The following FRMPD4 variants were observed in gnomAD, a reference collection of about 807,000 sequenced individuals.
The protein encoded by FRMPD4 is FERM and PDZ domain containing 4.
In FRMPD4, 22 loss-of-function variants were observed where a neutral mutation model predicts 94.1. That is an observed-to-expected ratio of 0.23 (90% CI 0.17 to 0.33). The LOEUF is 0.33. Ranked by LOEUF, FRMPD4 falls within the 10% of genes least tolerant of loss-of-function variation. The probability of loss-of-function intolerance (pLI) is 1.00; values close to 1 mark genes in which losing one functional copy is unlikely to be tolerated. For synonymous variants in FRMPD4, 631 were observed against 548.6 expected (o/e 1.15, Z -2.10); for missense variants, 1,111 against 1,339.9 (o/e 0.83, Z 2.67).
intron 3 of FRMPD4, among the ~76,000 whole-genome samples, chrX:11,908,762 A>G (rs151152271): frequency 1.9e-3 from 213 of 111,891 alleles, no homozygotes; most frequent in African/African-American, 6.7e-3. Flanking sequence ...TCAGCCTTTC[A>G]TCTATTTTTA....
chrX:12,164,562 C>T (rs1227970078), intron 1 of FRMPD4, among the ~76,000 whole-genome samples: 1 of 112,215 alleles, frequency 8.9e-6, no homozygotes, highest in Non-Finnish European at 1.9e-5. Flanking sequence ...GGTATATACC[C>T]AGTAATGGGG....
chrX:12,093,903 G>GA (rs200973541), intron 3 of FRMPD4, among the ~76,000 whole-genome samples: 3,379 of 100,214 alleles, frequency 0.034, 60 homozygotes, highest in Non-Finnish European at 0.049. Flanking sequence ...CTACTTGCAT[G>GA]AAAAAAAAAA....
chrX:11,976,147 C>T (rs1174166195), intron 3 of FRMPD4, among the ~76,000 whole-genome samples: 3 of 111,548 alleles, frequency 2.7e-5, no homozygotes, highest in African/African-American at 6.5e-5. Flanking sequence ...TCTTTTCTCC[C>T]GTTAATCCTG....
At chrX:12,234,718 T>C (rs1312527615) in intron 1 of FRMPD4, among the ~76,000 whole-genome samples, 1 of 112,137 alleles carries the variant, frequency 8.9e-6, no homozygotes, top group Non-Finnish European at 1.9e-5. Context: ...ATAACACTTT[T>C]AGGAGCAGTG....
At chrX:12,675,254 C>T (rs1215746182) in intron 5 of FRMPD4, among the ~76,000 whole-genome samples, 3 of 110,960 alleles carry the variant, frequency 2.7e-5, no homozygotes, top group African/African-American at 6.6e-5. Flanking sequence ...TGTAGGAGGT[C>T]GATGCATGAT....
intron 3 of FRMPD4, among the ~76,000 whole-genome samples, chrX:12,111,663 A>C (rs1192152562): frequency 1.5e-4 from 17 of 111,885 alleles, no homozygotes; most frequent in South Asian, 3.7e-4. Context: ...ATTTTTGCAA[A>C]CTACTCATCT....
intron 3 of FRMPD4, among the ~76,000 whole-genome samples, chrX:12,031,824 G>A (rs1202873667): frequency 2.7e-5 from 3 of 111,994 alleles, no homozygotes; most frequent in African/African-American, 9.7e-5. Context: ...GAGTCAGAGG[G>A]ACTTCTTAAG....
chrX:11,924,124 T>A (rs1039112912), intron 3 of FRMPD4, among the ~76,000 whole-genome samples: 3 of 110,442 alleles, frequency 2.7e-5, no homozygotes, highest in South Asian at 3.9e-4. Flanking sequence ...AGTACAGGAG[T>A]TTCATAATGC....
intron 1 of FRMPD4, among the ~76,000 whole-genome samples, chrX:11,824,596 T>C (rs1359977864): frequency 8.9e-6 from 1 of 111,892 alleles, no homozygotes; most frequent in Non-Finnish European, 1.9e-5. Context: ...TCATCCTTGG[T>C]TGACAATCAC....
At chrX:12,315,742 C>T (rs897699363) in intron 1 of FRMPD4, among the ~76,000 whole-genome samples, 3 of 112,232 alleles carry the variant, frequency 2.7e-5, no homozygotes, top group Non-Finnish European at 5.6e-5. Flanking sequence ...GAGCTTGATA[C>T]TCATGCAAGA....
intron 1 of FRMPD4, among the ~76,000 whole-genome samples, chrX:12,468,254 T>A (rs115356413): frequency 0.013 from 1,504 of 112,338 alleles, 19 homozygotes; most frequent in African/African-American, 0.043. Context: ...TTGTCAGGAA[T>A]AAATAAGTGG....
At chrX:11,933,310 C>A (rs1172672382) in intron 3 of FRMPD4, among the ~76,000 whole-genome samples, 1 of 112,045 alleles carries the variant, frequency 8.9e-6, no homozygotes, top group Non-Finnish European at 1.9e-5. Flanking sequence ...CTAACCATGC[C>A]TTTGCAACAC....
At chrX:11,945,153 C>T (rs138313486) in intron 3 of FRMPD4, among the ~76,000 whole-genome samples, 2 of 111,452 alleles carry the variant, frequency 1.8e-5, no homozygotes, top group Non-Finnish European at 3.8e-5. Flanking sequence ...TCTTGCCCCT[C>T]CAACCCCCCA....
At chrX:12,096,738 T>C (rs2055207273) in intron 3 of FRMPD4, among the ~76,000 whole-genome samples, 1 of 111,036 alleles carries the variant, frequency 9.0e-6, no homozygotes, top group Non-Finnish European at 1.9e-5. Context: ...TTTTTAACAA[T>C]TAGCTGGACA....
intron 3 of FRMPD4, among the ~76,000 whole-genome samples, chrX:12,074,792 G>A (rs1432736287): frequency 8.9e-6 from 1 of 112,242 alleles, no homozygotes; most frequent in Non-Finnish European, 1.9e-5. Context: ...GCACCATGTC[G>A]AGTGACATAA....
At chrX:11,832,186 A>T (rs1031031579) in intron 1 of FRMPD4, among the ~76,000 whole-genome samples, 2 of 111,453 alleles carry the variant, frequency 1.8e-5, no homozygotes, top group African/African-American at 6.5e-5. Context: ...TCCAATGCCC[A>T]TCTGTCTTGC....
chrX:12,029,613 G>A (rs915310904), intron 3 of FRMPD4, among the ~76,000 whole-genome samples: 2 of 111,554 alleles, frequency 1.8e-5, no homozygotes, highest in African/African-American at 6.5e-5. Context: ...TTACATTTAC[G>A]TCTGTGATCC....
At chrX:11,845,500 A>G (rs1399803025) in intron 1 of FRMPD4, among the ~76,000 whole-genome samples, 1 of 109,731 alleles carries the variant, frequency 9.1e-6, no homozygotes, top group Non-Finnish European at 1.9e-5. Flanking sequence ...ATCAATAGAA[A>G]AAGAGGGAAT....
intron 2 of FRMPD4, among the ~76,000 whole-genome samples, chrX:12,569,374 C>T (rs1277462989): frequency 1.8e-5 from 2 of 111,635 alleles, no homozygotes; most frequent in Non-Finnish European, 3.8e-5. Flanking sequence ...TATTAAAATG[C>T]TTTTAAGCTG....
Sources: gnomAD v4.1 joint callset for allele counts (sites outside exome capture counted in the v4.1 genomes callset) on GRCh38, gnomAD v4.1.1 for gene constraint, MANE v1.5 for transcripts, NCBI Gene and HGNC (gene_info 2026-07-23, HGNC 2026-07-21) for gene names.